ERICH6B: variants seen among roughly 807,000 people sequenced by gnomAD.
ERICH6B encodes glutamate rich 6B.
Under a neutral mutation model 80.0 loss-of-function variants are expected in ERICH6B, and 69 were observed. The ratio of observed to expected loss-of-function variants is 0.86; its 90% CI spans 0.71 to 1.05. The LOEUF is 1.05. ERICH6B is among the 50% of genes least tolerant of loss of function. ERICH6B has a pLI of 0.00. For synonymous variants in ERICH6B, 283 were observed against 291.9 expected, an observed-to-expected ratio of 0.97 and a Z score of 0.31; for missense variants, 754 against 796.1, an observed-to-expected ratio of 0.95 and a Z score of 0.64.
At chr13:45,608,638 A>T (rs1949882704) in intron 1 of ERICH6B, among the ~76,000 whole-genome samples, 1 of 152,220 alleles carries the variant, frequency 6.6e-6, no homozygotes, top group Non-Finnish European at 1.5e-5. Context: ...GAACCTAAAA[A>T]GGGAAAGAAA....
intron 8 of ERICH6B, among the ~76,000 whole-genome samples, chr13:45,569,435 C>T (rs928128798): frequency 1.3e-5 from 2 of 152,196 alleles, no homozygotes; most frequent in Admixed American, 6.5e-5. Flanking sequence ...CACAAGCTGC[C>T]TTTTTATTTG....
chr13:45,578,443 C>A (rs1875515927), intron 7 of ERICH6B, among the ~76,000 whole-genome samples: 1 of 152,208 alleles, frequency 6.6e-6, no homozygotes, highest in African/African-American at 2.4e-5. Flanking sequence ...TCTTACTGTG[C>A]TTTAACAAAT....
rs556173866 is a variant in ERICH6B, at chr13:45,591,589, C to T, written c.638-892G>A. Among the ~76,000 whole-genome samples the T allele has an allele frequency of 1.4e-3, 213 of 152,156 alleles. 8 individuals are homozygous for T. In the South Asian group the frequency reaches 0.041, roughly 30 times the overall value. On this transcript the variant is annotated intron_variant, in intron 3 of 14. Coordinates refer to ENST00000298738, the MANE Select transcript of ERICH6B (RefSeq NM_182542.3). ...CCAGCCTGGGCGACAGAGCAAGACT[C>T]CATCTCAAAAACATAAAATAAATAA...
intron 3 of ERICH6B, among the ~76,000 whole-genome samples, chr13:45,590,899 A>T (rs1325875546): frequency 1.3e-5 from 2 of 152,222 alleles, no homozygotes; most frequent in Non-Finnish European, 2.9e-5. Flanking sequence ...TCAAGAAGAT[A>T]CTTTTCAGGC....
At chr13:45,611,640 G>C (rs928376456) in intron 1 of ERICH6B, among the ~76,000 whole-genome samples, 1 of 152,206 alleles carries the variant, frequency 6.6e-6, no homozygotes, top group African/African-American at 2.4e-5. Context: ...GAGGCCAGGG[G>C]TTAGGAATCA....
rs138698972 is a variant in ERICH6B at position 45,557,944 on chromosome 13, AT to A, written c.1407+3424del. Among the ~76,000 whole-genome samples the A allele has an allele frequency of 6.5e-4, 96 of 146,866 alleles. 2 individuals are homozygous for A. Among genetic ancestry groups the A allele is most frequent in the South Asian group, 1.7e-3 (8 of 4,638 alleles). On this transcript the variant is annotated intron_variant, in intron 11 of 14. Coordinates refer to ENST00000298738, the MANE Select transcript of ERICH6B (RefSeq NM_182542.3). Reference sequence around the variant, plus strand: ...TTTTTCATTCCATGTGAATTTTAGGATTTTTTTTTTTCTAGTTCTGTGAAGA... The same window carrying A: ...TTTTTCATTCCATGTGAATTTTAGGATTTTTTTTTTCTAGTTCTGTGAAGA...
At chr13:45,594,851 G>A (rs1449014337) in intron 3 of ERICH6B, among the ~76,000 whole-genome samples, 1 of 152,170 alleles carries the variant, frequency 6.6e-6, no homozygotes, top group African/African-American at 2.4e-5. Flanking sequence ...GATGATGTAG[G>A]TGACCTGAAC....
chr13:45,596,026 T>C (rs1302224803), intron 3 of ERICH6B, among the ~76,000 whole-genome samples: 3 of 152,164 alleles, frequency 2.0e-5, no homozygotes, highest in African/African-American at 7.2e-5. Flanking sequence ...CAAATAACAA[T>C]TATTATTATA....
intron 7 of ERICH6B, among the ~76,000 whole-genome samples, chr13:45,577,173 A>ATC (rs1875441386): frequency 6.6e-6 from 1 of 151,552 alleles, no homozygotes; most frequent in Non-Finnish European, 1.5e-5. Context: ...AATAAGACTC[A>ATC]TCCTGAGGGT....
chr13:45,588,623 G>A (rs1289190127), intron 4 of ERICH6B, among the ~76,000 whole-genome samples: 1 of 152,196 alleles, frequency 6.6e-6, no homozygotes, highest in Non-Finnish European at 1.5e-5. Context: ...CCTCATGAAA[G>A]GACTTAGAAA....
rs576104621 is a variant in ERICH6B, at chr13:45,562,619, C to T, written c.1250-1093G>A. Among the ~76,000 whole-genome samples the T allele has an allele frequency of 3.9e-5, 6 of 152,170 alleles. No homozygotes were observed. In the East Asian group the frequency reaches 5.8e-4, roughly 15 times the overall value. On this transcript the variant is annotated intron_variant, in intron 10 of 14. Transcript: ENST00000298738. ...AAGGGGATGTCAGTTAGGAGAGCGC[C>T]GTGCATCCCATGATTGAGGTCAATA...
At chr13:45,584,651 G>A (rs576823569) in intron 5 of ERICH6B, among the ~76,000 whole-genome samples, 6 of 152,260 alleles carry the variant, frequency 3.9e-5, no homozygotes, top group Non-Finnish European at 5.9e-5. Context: ...ACATTTTCAC[G>A]ACTGCTTGGT....
chr13:45,608,114 T>C (rs1042553636), intron 1 of ERICH6B, among the ~76,000 whole-genome samples: 41 of 152,158 alleles, frequency 2.7e-4, no homozygotes, highest in African/African-American at 9.7e-4. Flanking sequence ...CCACGTCCCA[T>C]TGATTCCAAG....
At chr13:45,576,732 G>A (rs1875421969) in intron 7 of ERICH6B, among the ~76,000 whole-genome samples, 1 of 151,882 alleles carries the variant, frequency 6.6e-6, no homozygotes, top group Non-Finnish European at 1.5e-5. Context: ...TTTGAATAAT[G>A]CATAATGTGA....
At chr13:45,579,189 T>C (rs1424426165) in intron 7 of ERICH6B, among the ~76,000 whole-genome samples, 1 of 152,194 alleles carries the variant, frequency 6.6e-6, no homozygotes, top group Non-Finnish European at 1.5e-5. Context: ...GAGAAAACTG[T>C]TGATCAGTAG....
At chr13:45,546,539 C>T (rs74863451) in intron 13 of ERICH6B, among the ~76,000 whole-genome samples, 3,792 of 152,238 alleles carry the variant, frequency 0.025, 154 homozygotes, top group African/African-American at 0.087. Flanking sequence ...GGCTTTGACG[C>T]CCGTAGCTCC....
chr13:45,589,008 G>C (rs899765719), intron 4 of ERICH6B, among the ~76,000 whole-genome samples: 2 of 152,192 alleles, frequency 1.3e-5, no homozygotes, highest in African/African-American at 4.8e-5. Context: ...GCCGCTCCAG[G>C]CCTGGGGTGG....
intron 11 of ERICH6B, among the ~76,000 whole-genome samples, chr13:45,560,076 T>C (rs1301036655): frequency 6.6e-6 from 1 of 152,212 alleles, no homozygotes; most frequent in Non-Finnish European, 1.5e-5. Flanking sequence ...TGCATATATA[T>C]TTAGGATTGT....
intron 2 of ERICH6B, among the ~76,000 whole-genome samples, chr13:45,606,505 GTATATATATATATATATA>G: frequency 3.5e-5 from 1 of 28,708 alleles, no homozygotes; most frequent in South Asian, 1.3e-3. Context: ...AAGTGTATGT[GTATATATATATATATATA>G]TATATATATA....
Sources: allele counts gnomAD v4.1 joint callset (sites outside exome capture counted in the v4.1 genomes callset), GRCh38; gene constraint gnomAD v4.1.1; transcripts MANE v1.5; gene names NCBI Gene and HGNC (gene_info 2026-07-23, HGNC 2026-07-21).